Variants in DNAH7 observed in about 807,000 individuals in gnomAD.
DNAH7 encodes the protein dynein axonemal heavy chain 7, also known as axonemal beta dynein heavy chain 7.
A neutral mutation model predicts 444.6 loss-of-function variants in DNAH7; 397 were observed. The ratio of observed to expected loss-of-function variants is 0.89; its 90% CI spans 0.82 to 0.97. The LOEUF is 0.97. Ranked by LOEUF, DNAH7 falls within the 50% of genes least tolerant of loss-of-function variation. The pLI is 0.00. For synonymous variants in DNAH7, 1,636 were observed against 1,624.4 expected, an observed-to-expected ratio of 1.01 and a Z score of -0.17; for missense variants, 4,902 against 4,800.8, an observed-to-expected ratio of 1.02 and a Z score of -0.62.
intron 51 of DNAH7, among the ~76,000 whole-genome samples, chr2:195,811,291 G>A (rs1351406910): frequency 6.6e-6 from 1 of 152,192 alleles, no homozygotes; most frequent in Non-Finnish European, 1.5e-5. Context: ...AATCAAAGAT[G>A]CAGACACTTA....
At chr2:195,760,050 CTT>C (rs1347231229) in intron 61 of DNAH7, among the ~76,000 whole-genome samples, 1 of 152,128 alleles carries the variant, frequency 6.6e-6, no homozygotes, top group African/African-American at 2.4e-5. Context: ...CACAGACTAA[CTT>C]TGGCAACATT....
intron 1 of DNAH7, among the ~76,000 whole-genome samples, chr2:196,061,958 C>T (rs1477659923): frequency 6.6e-6 from 1 of 152,148 alleles, no homozygotes; most frequent in African/African-American, 2.4e-5. Flanking sequence ...TAAAAATATA[C>T]ATGTGACTAA....
intron 38 of DNAH7, among the ~76,000 whole-genome samples, chr2:195,875,461 A>G (rs1174150558): frequency 2.0e-5 from 3 of 152,166 alleles, no homozygotes; most frequent in African/African-American, 4.8e-5. Flanking sequence ...GGAGAAAAAA[A>G]GTTTTGGAAG....
At chr2:195,771,595 T>C in intron 61 of DNAH7, 65 bp downstream of exon 61, 1 of 1,201,010 alleles carries the variant, frequency 8.3e-7, no homozygotes. Context: ...TAAACAAGTA[T>C]TTGCTAAATA....
chr2:195,895,296 A>C (rs768313263), intron 29 of DNAH7, 72 bp from the exon 30 acceptor site: 110 of 997,116 alleles, frequency 1.1e-4, no homozygotes, highest in Non-Finnish European at 1.5e-4. Context: ...GTATTGATGG[A>C]AATAGGGCCA....
At chr2:195,905,690 G>A (rs1686970678) in intron 27 of DNAH7, 1 of 151,958 alleles carries the variant, frequency 6.6e-6, no homozygotes, top group African/African-American at 2.4e-5. Context: ...ACCAAAATAT[G>A]GGGAAAATGT....
intron 2 of DNAH7, among the ~76,000 whole-genome samples, chr2:196,056,524 C>A (rs1051142039): frequency 1.3e-5 from 2 of 152,088 alleles, no homozygotes; most frequent in Admixed American, 1.3e-4. Flanking sequence ...TGCTCACACA[C>A]ATGAGCAGCC....
At chr2:195,857,816 T>A in intron 43 of DNAH7, 93 bp from the exon 44 acceptor site, 1 of 1,032,638 alleles carries the variant, frequency 9.7e-7, no homozygotes. Flanking sequence ...ATACAGAAAC[T>A]CACTGTGTTC....
chr2:195,911,014 C>T (rs1478631003), intron 24 of DNAH7, among the ~76,000 whole-genome samples: 1 of 152,098 alleles, frequency 6.6e-6, no homozygotes, highest in African/African-American at 2.4e-5. Context: ...TATGAAACTG[C>T]TCCTTATGGA....
At chr2:195,944,587 C>T (rs1264260317) in intron 19 of DNAH7, among the ~76,000 whole-genome samples, 3 of 152,050 alleles carry the variant, frequency 2.0e-5, no homozygotes, top group South Asian at 2.1e-4. Context: ...TCCAAGTGTC[C>T]CCATTTTCAG....
chr2:195,934,455 G>A, intron 21 of DNAH7, 136 bp downstream of exon 21: 1 of 961,454 alleles, frequency 1.0e-6, no homozygotes, highest in Non-Finnish European at 1.5e-6. Context: ...TTGCCTTCAA[G>A]TTATCTATCA....
intron 12 of DNAH7, chr2:195,994,452 GA>G: frequency 3.5e-6 from 2 of 565,070 alleles, no homozygotes; most frequent in Non-Finnish European, 6.7e-6. Flanking sequence ...GGCCAAGGGA[GA>G]AAGGTTTGCC....
chr2:195,857,999 T>C (rs1198471962), intron 43 of DNAH7, among the ~76,000 whole-genome samples: 1 of 152,188 alleles, frequency 6.6e-6, no homozygotes, highest in Non-Finnish European at 1.5e-5. Context: ...TCATGAAATC[T>C]AAGACATTGC....
rs1032820900 is a variant in DNAH7 at position 195,787,282 on chromosome 2, C to T, written c.10717-111G>A. ...CTTTCATTTATAAATAGCATAGGGACATATTCATCCCAAATTACAATTATA... is the reference window on the plus strand; with the variant it reads ...CTTTCATTTATAAATAGCATAGGGATATATTCATCCCAAATTACAATTATA... On this transcript the variant is annotated intron_variant, in intron 57 of 64. Transcript: ENST00000312428. The T allele has an allele frequency of 1.0e-5, 11 of 1,097,874 alleles. No individual in the cohort carries two copies. In the African/African-American group the frequency reaches 1.3e-4, roughly 13 times the overall value. 68.0% of individuals were successfully genotyped at this position (1,097,874 alleles called of 1,614,324 possible). A position where few individuals can be genotyped will look rare whatever the true frequency, so the allele number is the denominator to read the frequency against.
intron 21 of DNAH7, among the ~76,000 whole-genome samples, chr2:195,934,177 A>G (rs1013623898): frequency 6.6e-6 from 1 of 152,222 alleles, no homozygotes; most frequent in Non-Finnish European, 1.5e-5. Flanking sequence ...ATTTTCTAAC[A>G]TTTTGTATGC....
Position 195,853,531 on chromosome 2 carries a change from C to T in DNAH7, c.8596-3G>A, listed in dbSNP as rs933211584. The T allele has an allele frequency of 7.5e-6, 12 of 1,601,030 alleles. No individual in the cohort carries two copies. Among genetic ancestry groups the T allele is most frequent in the Non-Finnish European group, 9.4e-6 (11 of 1,172,922 alleles). ...AGTTTTTTGCTGCAAAGGTCAACCT[C>T]GAAAATAAAAGTGAGCTTTTATCAA... On this transcript the variant is annotated splice_region_variant and splice_polypyrimidine_tract_variant and intron_variant, in intron 45 of 64. Coordinates refer to ENST00000312428, the MANE Select transcript of DNAH7 (RefSeq NM_018897.3).
At chr2:196,042,411 T>C (rs1337268944) in intron 5 of DNAH7, among the ~76,000 whole-genome samples, 1 of 151,942 alleles carries the variant, frequency 6.6e-6, no homozygotes, top group East Asian at 1.9e-4. Flanking sequence ...ACCAATAGTG[T>C]GAAAAGATAA....
intron 61 of DNAH7, among the ~76,000 whole-genome samples, chr2:195,771,345 AAATAAT>A (rs1329056586): frequency 6.6e-6 from 1 of 151,886 alleles, no homozygotes; most frequent in Non-Finnish European, 1.5e-5. Context: ...ATCTCTAAAA[AAATAAT>A]AATAATAAAT....
intron 20 of DNAH7, 42 bp downstream of exon 20, chr2:195,936,557 G>T: frequency 7.1e-7 from 1 of 1,399,838 alleles, no homozygotes; most frequent in Non-Finnish European, 9.7e-7. Context: ...TTAAGTTTAA[G>T]CAGATAAATT....
Sources: gnomAD v4.1 joint callset for allele counts (sites outside exome capture counted in the v4.1 genomes callset) on GRCh38, gnomAD v4.1.1 for gene constraint, MANE v1.5 for transcripts, NCBI Gene and HGNC (gene_info 2026-07-23, HGNC 2026-07-21) for gene names.